Variants in FYN observed in about 807,000 individuals in gnomAD.
The protein encoded by FYN is FYN proto-oncogene, Src family tyrosine kinase, also known as tyrosine-protein kinase Fyn.
In FYN, 10 loss-of-function variants were observed where a neutral mutation model predicts 70.2. That is an observed-to-expected ratio of 0.14 (90% CI 0.09 to 0.24). The LOEUF is 0.24. FYN is among the 10% of genes least tolerant of loss of function. FYN has a pLI of 1.00. For synonymous variants in FYN, 236 were observed against 248.6 expected (o/e 0.95, Z 0.48); for missense variants, 319 against 673.1 (o/e 0.47, Z 5.82).
chr6:111,706,742 TA>T (rs1278795680), intron 6 of FYN, among the ~76,000 whole-genome samples: 1 of 152,168 alleles, frequency 6.6e-6, no homozygotes. Context: ...AAAAATAACT[TA>T]AATATATAGC....
intron 1 of FYN, among the ~76,000 whole-genome samples, chr6:111,867,327 T>G (rs1774137432): frequency 6.6e-6 from 1 of 151,752 alleles, no homozygotes; most frequent in Admixed American, 6.6e-5. Context: ...TGGCGTTGGG[T>G]GCCTGTAATC....
At chr6:111,713,122 C>T (rs1015969869) in intron 5 of FYN, among the ~76,000 whole-genome samples, 1 of 152,134 alleles carries the variant, frequency 6.6e-6, no homozygotes, top group Non-Finnish European at 1.5e-5. Flanking sequence ...CGAAGAGAGT[C>T]GTTGGCCCTT....
chr6:111,794,458 G>C (rs534134103), intron 2 of FYN, among the ~76,000 whole-genome samples: 39 of 152,244 alleles, frequency 2.6e-4, no homozygotes, highest in African/African-American at 9.4e-4. Flanking sequence ...AATCACCTAG[G>C]TCAATTCCTC....
chr6:111,731,054 C>T (rs533518816), intron 3 of FYN, among the ~76,000 whole-genome samples: 5 of 152,212 alleles, frequency 3.3e-5, no homozygotes, highest in East Asian at 3.9e-4. Context: ...TAGCACAAAG[C>T]GGCTGTTTGA....
intron 3 of FYN, among the ~76,000 whole-genome samples, chr6:111,735,578 A>T (rs1801673234): frequency 6.6e-6 from 1 of 152,198 alleles, no homozygotes; most frequent in African/African-American, 2.4e-5. Flanking sequence ...TACAACTGAT[A>T]CTTATCCAGT....
chr6:111,788,420 A>G (rs554150957), intron 2 of FYN, among the ~76,000 whole-genome samples: 1 of 152,306 alleles, frequency 6.6e-6, no homozygotes, highest in Non-Finnish European at 1.5e-5. Flanking sequence ...TCTAGCATGT[A>G]TAGACTGATG....
chr6:111,783,961 A>C (rs1486569605), intron 2 of FYN, among the ~76,000 whole-genome samples: 2 of 152,230 alleles, frequency 1.3e-5, no homozygotes, highest in Non-Finnish European at 2.9e-5. Context: ...TTTGAGAAGC[A>C]TCGATCCAAG....
chr6:111,701,204 T>C (rs184697379), intron 8 of FYN, among the ~76,000 whole-genome samples: 145 of 152,312 alleles, frequency 9.5e-4, no homozygotes, highest in South Asian at 1.7e-3. Context: ...AAAAAGAATA[T>C]AACCTTTTAG....
At chr6:111,870,360 C>A (rs1299896278) in intron 1 of FYN, among the ~76,000 whole-genome samples, 2 of 152,190 alleles carry the variant, frequency 1.3e-5, no homozygotes, top group Non-Finnish European at 2.9e-5. Flanking sequence ...ACCTACCGAC[C>A]AGAAACATGA....
intron 12 of FYN, among the ~76,000 whole-genome samples, chr6:111,687,575 C>T (rs539398884): frequency 8.8e-5 from 11 of 125,064 alleles, no homozygotes; most frequent in East Asian, 2.6e-4. Context: ...CTGATGGGAG[C>T]GATCAGGAAA....
At chr6:111,696,564 T>G (rs993393760) in intron 9 of FYN, 108 bp from the exon 10 acceptor site, 1 of 844,308 alleles carries the variant, frequency 1.2e-6, no homozygotes, top group Non-Finnish European at 1.7e-6. Context: ...TTAAAACACT[T>G]AATACAGTTT....
chr6:111,820,889 A>G (rs948341174), intron 2 of FYN, among the ~76,000 whole-genome samples: 1 of 152,180 alleles, frequency 6.6e-6, no homozygotes, highest in African/African-American at 2.4e-5. Flanking sequence ...CTATAAAACG[A>G]TCCTATTTAT....
intron 12 of FYN, among the ~76,000 whole-genome samples, chr6:111,686,899 T>G (rs1032922487): frequency 6.6e-6 from 1 of 150,586 alleles, no homozygotes; most frequent in Non-Finnish European, 1.5e-5. Flanking sequence ...TAATCCCCAG[T>G]CGTTGTAATA....
At chr6:111,838,064 A>T (rs1431348382) in intron 2 of FYN, among the ~76,000 whole-genome samples, 1 of 152,156 alleles carries the variant, frequency 6.6e-6, no homozygotes, top group Non-Finnish European at 1.5e-5. Context: ...TCCACAGACC[A>T]CACATACCCA....
chr6:111,854,109 G>A (rs1773760723), intron 1 of FYN, among the ~76,000 whole-genome samples: 1 of 152,136 alleles, frequency 6.6e-6, no homozygotes. Flanking sequence ...TAAACCAAGT[G>A]TTATTACTGG....
intron 2 of FYN, among the ~76,000 whole-genome samples, chr6:111,800,467 A>T (rs1458855222): frequency 6.6e-6 from 1 of 152,042 alleles, no homozygotes; most frequent in Non-Finnish European, 1.5e-5. Context: ...TGCCGAAGGG[A>T]TATTGAATAT....
At chr6:111,714,641 T>C (rs903326473) in intron 4 of FYN, 198 bp from the exon 5 acceptor site, 2 of 575,118 alleles carry the variant, frequency 3.5e-6, no homozygotes, top group Non-Finnish European at 6.2e-6. Context: ...AGGGGAAGCC[T>C]TACTGTATCT....
intron 1 of FYN, among the ~76,000 whole-genome samples, chr6:111,852,604 G>T (rs889489547): frequency 2.6e-5 from 4 of 152,044 alleles, no homozygotes; most frequent in Non-Finnish European, 2.9e-5. Context: ...CAAACAAAAA[G>T]CCCAAGTACC....
chr6:111,713,450 G>A (rs1383726517), intron 5 of FYN, among the ~76,000 whole-genome samples: 1 of 152,104 alleles, frequency 6.6e-6, no homozygotes, highest in Non-Finnish European at 1.5e-5. Flanking sequence ...ACTTCCTGGT[G>A]TGCCCCTCAG....
Sources: allele counts gnomAD v4.1 joint callset (sites outside exome capture counted in the v4.1 genomes callset), GRCh38; gene constraint gnomAD v4.1.1; transcripts MANE v1.5; gene names NCBI Gene and HGNC (gene_info 2026-07-23, HGNC 2026-07-21).